SRGAP3: variants seen among roughly 807,000 people sequenced by gnomAD.
SRGAP3 encodes SLIT-ROBO Rho GTPase activating protein 3.
Under a neutral mutation model 121.1 loss-of-function variants are expected in SRGAP3, and 39 were observed. The observed-to-expected ratio is 0.32, with a 90% confidence interval of 0.25 to 0.42. The LOEUF is 0.42. Ranked by LOEUF, SRGAP3 falls within the 10% of genes least tolerant of loss-of-function variation. SRGAP3 has a pLI of 1.00. For synonymous variants in SRGAP3, 601 were observed against 570.0 expected, an observed-to-expected ratio of 1.05 and a Z score of -0.77; for missense variants, 1,213 against 1,470.6, an observed-to-expected ratio of 0.82 and a Z score of 2.86.
At chr3:9,131,904 C>T (rs528662518) in intron 1 of SRGAP3, among the ~76,000 whole-genome samples, 4 of 152,258 alleles carry the variant, frequency 2.6e-5, no homozygotes, top group Non-Finnish European at 4.4e-5. Context: ...ATCCCCATAA[C>T]ACTCCTGCTC....
intron 15 of SRGAP3, among the ~76,000 whole-genome samples, chr3:9,015,356 G>A (rs573615910): frequency 5.9e-5 from 9 of 152,136 alleles, no homozygotes; most frequent in African/African-American, 2.2e-4. Context: ...TCTGATCTGC[G>A]AAACCAAGTC....
At chr3:9,178,033 C>T (rs543845107) in intron 1 of SRGAP3, among the ~76,000 whole-genome samples, 1 of 152,110 alleles carries the variant, frequency 6.6e-6, no homozygotes, top group African/African-American at 2.4e-5. Flanking sequence ...TTTGGGAGGC[C>T]AAGATGGGCA....
intron 4 of SRGAP3, among the ~76,000 whole-genome samples, chr3:9,064,948 C>T (rs1422825168): frequency 6.6e-6 from 1 of 152,170 alleles, no homozygotes; most frequent in African/African-American, 2.4e-5. Flanking sequence ...TCAGACGTGA[C>T]AAGGCAAGCC....
intron 1 of SRGAP3, among the ~76,000 whole-genome samples, chr3:9,180,750 A>G (rs1347860696): frequency 2.6e-5 from 4 of 152,194 alleles, no homozygotes; most frequent in African/African-American, 9.7e-5. Context: ...CCCTGTCTGA[A>G]TGCAGCCCCG....
chr3:9,334,621 C>CAATATTGTCTTGTCCCCCTTCTTG (rs1955660349), intron 1 of SRGAP3, among the ~76,000 whole-genome samples: 2 of 152,118 alleles, frequency 1.3e-5, no homozygotes, highest in Non-Finnish European at 2.9e-5. Context: ...TTCTCATAAA[C>CAATATTGTCTTGTCCCCCTTCTTG]AAAGACAAGA....
chr3:9,212,139 A>AT (rs1018630442), intron 1 of SRGAP3, among the ~76,000 whole-genome samples: 1 of 152,084 alleles, frequency 6.6e-6, no homozygotes, highest in African/African-American at 2.4e-5. Flanking sequence ...ACAATAATTA[A>AT]TTTTCCCCTT....
At chr3:9,023,678 C>A (rs1390305776) in intron 14 of SRGAP3, among the ~76,000 whole-genome samples, 1 of 152,164 alleles carries the variant, frequency 6.6e-6, no homozygotes, top group Non-Finnish European at 1.5e-5. Context: ...TATTGCATTT[C>A]CAGGCCCTTG....
chr3:9,025,331 C>G lies in SRGAP3; in HGVS notation c.1608G>C (p.Gln536His). 6.2e-7 allele frequency: 1 copy of G among 1,614,204 alleles called. No individual in the cohort carries two copies. Among genetic ancestry groups the G allele is most frequent in the Non-Finnish European group, 8.5e-7 (1 of 1,180,020 alleles). ...CIRYINLYGL[Q>H]QQGIFRVPGS... ...CTGGCACTCTGAAGATCCCCTGCTG[C>G]TGGAGTCCTAAAAAAGAAACATACA... The change falls in exon 14 of 22, where the codon CAG (glutamine) becomes CAC (histidine). Residue 536 changes from glutamine (Q) to histidine (H), a missense_variant. Transcript: ENST00000383836.
At chr3:9,299,473 G>A (rs1014888887) in intron 3 of SRGAP3, among the ~76,000 whole-genome samples, 1 of 152,116 alleles carries the variant, frequency 6.6e-6, no homozygotes, top group Non-Finnish European at 1.5e-5. Context: ...CCAGACTAGT[G>A]GAAGAACAAC....
At chr3:9,254,200 A>T (rs1317001885), upstream of SRGAP3, among the ~76,000 whole-genome samples, 1 of 152,214 alleles carries the variant, frequency 6.6e-6, no homozygotes, top group Non-Finnish European at 1.5e-5. Context: ...AACAACCCAA[A>T]TGTTGTTTGA....
chr3:9,013,931 C>A, intron 15 of SRGAP3, 89 bp from the exon 16 acceptor site: 1 of 1,219,950 alleles, frequency 8.2e-7, no homozygotes, highest in East Asian at 2.4e-5. Flanking sequence ...TATATCAACC[C>A]ACGTGGATGG....
chr3:9,348,719 G>T, intron 1 of SRGAP3: 1 of 1,239,388 alleles, frequency 8.1e-7, no homozygotes, highest in Non-Finnish European at 1.2e-6. Flanking sequence ...GCACTCTGGG[G>T]GTCTGATCGG....
At chr3:9,234,454 T>C (rs753079883) in intron 1 of SRGAP3, among the ~76,000 whole-genome samples, 1 of 152,150 alleles carries the variant, frequency 6.6e-6, no homozygotes, top group Non-Finnish European at 1.5e-5. Flanking sequence ...ATCCATTCTT[T>C]TGTGTCCCTG....
chr3:9,247,638 G>T (rs1574937015), intron 1 of SRGAP3, among the ~76,000 whole-genome samples: 2 of 152,328 alleles, frequency 1.3e-5, no homozygotes, highest in South Asian at 4.1e-4. Context: ...CCAGAAGCAG[G>T]TGTGGCAACC....
At chr3:9,037,713 T>C in intron 11 of SRGAP3, 1 of 380,560 alleles carries the variant, frequency 2.6e-6, no homozygotes, top group Admixed American at 4.0e-5. Flanking sequence ...GGAAGAGAGG[T>C]CAACAGCCAC....
intron 1 of SRGAP3, among the ~76,000 whole-genome samples, chr3:9,226,644 G>T (rs1466317975): frequency 6.6e-6 from 1 of 152,186 alleles, no homozygotes; most frequent in African/African-American, 2.4e-5. Context: ...AAGTGCTGCT[G>T]CTAAGCACAC....
intron 1 of SRGAP3, among the ~76,000 whole-genome samples, chr3:9,235,091 G>A: frequency 6.6e-6 from 1 of 152,174 alleles, no homozygotes; most frequent in East Asian, 1.9e-4. Flanking sequence ...ACCAACACAA[G>A]CCAGGCGCCA....
chr3:9,250,029 G>A (rs1953968079), upstream of SRGAP3, among the ~76,000 whole-genome samples: 1 of 152,132 alleles, frequency 6.6e-6, no homozygotes, highest in Non-Finnish European at 1.5e-5. Flanking sequence ...TATTTGTTGA[G>A]CAGTTACTTG....
chr3:9,047,671 G>A (rs767747518), intron 9 of SRGAP3, among the ~76,000 whole-genome samples, 196 bp from the exon 10 acceptor site: 1 of 152,226 alleles, frequency 6.6e-6, no homozygotes, highest in African/African-American at 2.4e-5. Context: ...GCTGACAGGC[G>A]GAGGCCAGGC....
Sources: allele counts gnomAD v4.1 joint callset (sites outside exome capture counted in the v4.1 genomes callset), GRCh38; gene constraint gnomAD v4.1.1; transcripts MANE v1.5; gene names NCBI Gene and HGNC (gene_info 2026-07-23, HGNC 2026-07-21).